The following CREBRF variants were observed in gnomAD, a reference collection of about 807,000 sequenced individuals.
The protein encoded by CREBRF is CREB3 regulatory factor.
CREBRF carries 5 observed loss-of-function variants against 66.1 expected under a neutral mutation model. The ratio of observed to expected loss-of-function variants is 0.08; its 90% CI spans 0.04 to 0.16. The LOEUF is 0.16. Ranked by LOEUF, CREBRF falls within the 10% of genes least tolerant of loss-of-function variation. The probability of loss-of-function intolerance (pLI) is 1.00; values close to 1 mark genes in which losing one functional copy is unlikely to be tolerated. For synonymous variants in CREBRF, 229 were observed against 264.4 expected (o/e 0.87, Z 1.30); for missense variants, 531 against 744.9 (o/e 0.71, Z 3.34).
chr5:173,105,303 T>C (rs1039049155), intron 4 of CREBRF, among the ~76,000 whole-genome samples: 5 of 151,870 alleles, frequency 3.3e-5, no homozygotes, highest in Non-Finnish European at 7.4e-5. Flanking sequence ...TCCCTTATGC[T>C]TTGGGCTGGG....
intron 4 of CREBRF, among the ~76,000 whole-genome samples, chr5:173,093,783 C>T (rs1156995458): frequency 1.3e-5 from 2 of 152,236 alleles, no homozygotes; most frequent in African/African-American, 4.8e-5. Flanking sequence ...TTCCAAAGTG[C>T]TGGAATTACA....
intron 1 of CREBRF, among the ~76,000 whole-genome samples, chr5:173,079,453 ACT>A (rs1164001322): frequency 6.9e-6 from 1 of 145,096 alleles, no homozygotes; most frequent in Admixed American, 7.0e-5. Context: ...ACAGAGTGAG[ACT>A]CTGTCTTTTT....
At chr5:173,069,954 A>G (rs1335754451) in intron 1 of CREBRF, among the ~76,000 whole-genome samples, 1 of 151,840 alleles carries the variant, frequency 6.6e-6, no homozygotes, top group Non-Finnish European at 1.5e-5. Flanking sequence ...CTAGGCTGGA[A>G]TGCAGTGGCG....
chr5:173,062,842 G>A (rs1390599924), intron 1 of CREBRF, among the ~76,000 whole-genome samples: 1 of 149,966 alleles, frequency 6.7e-6, no homozygotes, highest in Admixed American at 6.7e-5. Flanking sequence ...CTGCCTCCCG[G>A]GTTCACGCCA....
At chr5:173,079,450 G>A (rs1394737698) in intron 1 of CREBRF, among the ~76,000 whole-genome samples, 4 of 146,406 alleles carry the variant, frequency 2.7e-5, no homozygotes, top group Non-Finnish European at 6.0e-5. Context: ...GTGACAGAGT[G>A]AGACTCTGTC....
intron 1 of CREBRF, among the ~76,000 whole-genome samples, chr5:173,058,576 C>T (rs1581649270): frequency 6.6e-6 from 1 of 151,766 alleles, no homozygotes; most frequent in South Asian, 2.1e-4. Context: ...CTCCGCCTCC[C>T]GGGTTCACGC....
rs138562616 is a variant in CREBRF, at chr5:173,086,512, C to T, written c.21C>T (p.Ser7=). ...TCACTCTGTTGTAGCCTAGTGTAAGCGGAATGGATCCGCCTTTCGGGGATG... is the reference window on the plus strand; with the variant it reads ...TCACTCTGTTGTAGCCTAGTGTAAGTGGAATGGATCCGCCTTTCGGGGATG... MPQPSV[S]GMDPPFGDAF... Residue 7 remains serine (S), a synonymous_variant, in exon 3 of 9, where the codon AGC becomes AGT. Transcript: ENST00000296953. 46 of 1,613,564 alleles carry T rather than the reference C, an allele frequency of 2.9e-5. No homozygotes were observed. The highest frequency in any genetic ancestry group is 4.4e-5 in the South Asian group (4 of 91,028).
intron 1 of CREBRF, among the ~76,000 whole-genome samples, chr5:173,062,816 C>T (rs1414560552): frequency 2.1e-5 from 3 of 143,220 alleles, no homozygotes; most frequent in East Asian, 2.0e-4. Flanking sequence ...GGTGGGATCT[C>T]GCCTCACTGC....
chr5:173,111,821 C>G (rs1454733621), intron 6 of CREBRF, among the ~76,000 whole-genome samples: 1 of 152,220 alleles, frequency 6.6e-6, no homozygotes, highest in Admixed American at 6.5e-5. Flanking sequence ...TCCAAAGTAG[C>G]TATATGTGCT....
Position 173,090,352 on chromosome 5 carries a change from A to G in CREBRF, c.173A>G (p.Asn58Ser), listed in dbSNP as rs766605392. 13 of 1,603,186 alleles carry G rather than the reference A, an allele frequency of 8.1e-6. No individual in the cohort carries two copies. The highest frequency in any genetic ancestry group is 1.1e-5 in the Non-Finnish European group (13 of 1,170,802). Reference sequence around the variant, plus strand: ...AACTACCAACAGAATCCTAGAGACAACTTTCTTTCTTTGGAGGACTGCAAA... The same window carrying G: ...AACTACCAACAGAATCCTAGAGACAGCTTTCTTTCTTTGGAGGACTGCAAA... ...EMNYQQNPRDNFLSLEDCKDI... is the reference protein window; with the variant it reads ...EMNYQQNPRDSFLSLEDCKDI... The change falls in exon 4 of 9, where the codon AAC becomes AGC. Residue 58 changes from asparagine to serine, a missense_variant. Physicochemically the swap from Asn to Ser is conservative, Grantham distance 46 (BLOSUM62 1). Around this residue, in one of 5 missense-constraint regions of CREBRF, gnomAD observed 133 missense variants for 215.6 expected, o/e 0.62. Coordinates refer to ENST00000296953, the MANE Select transcript of CREBRF (RefSeq NM_153607.3). This position sits in a 1 kb window ranked among gnomAD's most constrained non-coding sequence, Gnocchi z 4.5.
intron 4 of CREBRF, among the ~76,000 whole-genome samples, chr5:173,104,613 G>A (rs1581689557): frequency 6.6e-6 from 1 of 152,036 alleles, no homozygotes; most frequent in South Asian, 2.1e-4. Context: ...CGGGGAGGTC[G>A]AGGCTGCAGT....
Position 173,086,945 on chromosome 5 carries a change from TTTG to T in CREBRF, c.135+322_135+324del, listed in dbSNP as rs1326325822. ...GTGTGTGTCACCACATCCAACTAAT[TTTG>T]TTTTTTTTTTTTTTTTGAGACAGAG... On this transcript the variant is annotated intron_variant, in intron 3 of 8. Transcript: ENST00000296953. Among the ~76,000 whole-genome samples the T allele has an allele frequency of 1.4e-4, 12 of 87,558 alleles. 2 individuals are homozygous for T. Among genetic ancestry groups the T allele is most frequent in the Non-Finnish European group, 1.8e-4 (7 of 38,056 alleles). 57.4% of individuals were successfully genotyped at this position (87,558 alleles called of 152,430 possible).
At chr5:173,118,107 C>T (rs1019518789) in intron 7 of CREBRF, among the ~76,000 whole-genome samples, 2 of 152,202 alleles carry the variant, frequency 1.3e-5, no homozygotes, top group African/African-American at 4.8e-5. Flanking sequence ...ATCTCCTGAC[C>T]TTATGATCCG....
At chr5:173,060,042 C>G (rs2113649809) in intron 1 of CREBRF, among the ~76,000 whole-genome samples, 1 of 152,158 alleles carries the variant, frequency 6.6e-6, no homozygotes, top group Middle Eastern at 3.4e-3. Context: ...AAAGGAATAA[C>G]TAGCATGGTT....
At chr5:173,106,711 C>G (rs773519730) in intron 4 of CREBRF, among the ~76,000 whole-genome samples, 3 of 151,436 alleles carry the variant, frequency 2.0e-5, no homozygotes, top group Non-Finnish European at 4.4e-5. Flanking sequence ...ATAGTTTGAT[C>G]ACCCCCGAAA....
chr5:173,134,300 AC>A lies in CREBRF; in HGVS notation c.*556del, dbSNP rs1253785424. On this transcript the variant is annotated 3_prime_UTR_variant, in exon 9 of 9. Transcript: ENST00000296953. Reference sequence around the variant, plus strand: ...TATATATATATATATACACACACACACACAAATGTCTGTGCAAGTAAGAAAA... The same window carrying A: ...TATATATATATATATACACACACACAACAAATGTCTGTGCAAGTAAGAAAA... 5.0e-6 allele frequency: 1 copy of A among 201,114 alleles called. No individual in the cohort carries two copies. Among genetic ancestry groups the A allele is most frequent in the Middle Eastern group, 5.3e-4 (1 of 1,890 alleles). 12.5% of individuals were successfully genotyped at this position (201,114 alleles called of 1,614,324 possible).
rs1759549669 is a variant in CREBRF at position 173,134,758 on chromosome 5, AG to A, written c.*1014del. 2 of 152,430 alleles carry A rather than the reference AG, an allele frequency of 1.3e-5. No homozygotes were observed. The highest frequency in any genetic ancestry group is 4.8e-5 in the African/African-American group (2 of 41,434). 9.4% of individuals were successfully genotyped at this position (152,430 alleles called of 1,614,324 possible). A position where few individuals can be genotyped will look rare whatever the true frequency, so the allele number is the denominator to read the frequency against. ...TGTATGAAAAAAAAGGAGAAAAAAA[AG>A]AAAAAAAAAGGTCAGGGTTAGGGAT... On this transcript the variant is annotated 3_prime_UTR_variant, in exon 9 of 9. Coordinates refer to ENST00000296953, the MANE Select transcript of CREBRF (RefSeq NM_153607.3).
In CREBRF at chr5:173,123,234, T is replaced by A. The variant is rs377010386; in HGVS notation, c.1804+32T>A. 7.6e-6 allele frequency: 12 copies of A among 1,577,794 alleles called. No individual in the cohort carries two copies. The African/African-American group carries it at 1.7e-4, about 22-fold the overall frequency. On this transcript the variant is annotated intron_variant, in intron 8 of 8. Transcript: ENST00000296953. The stretch of plus-strand genomic sequence containing the variant: ...AGAATGCGAGATAAATTCATAACAA[T>A]TAATAATATGTGTAAGATGTATGAT...
Position 173,136,515 on chromosome 5 carries a change from G to A in CREBRF, c.*2770G>A, listed in dbSNP as rs766283084. The A allele has an allele frequency of 6.6e-6, 1 of 152,484 alleles. No homozygotes were observed. Among genetic ancestry groups the A allele is most frequent in the African/African-American group, 2.4e-5 (1 of 41,434 alleles). 9.4% of individuals were successfully genotyped at this position (152,484 alleles called of 1,614,324 possible). The stretch of plus-strand genomic sequence containing the variant: ...TAAAAACCTGGCAGTAAAATGTAGA[G>A]TGAAAGTTAAATCCTCTTGCTGTTT... On this transcript the variant is annotated 3_prime_UTR_variant, in exon 9 of 9. Transcript: ENST00000296953.
Sources: gnomAD v4.1 joint callset for allele counts (sites outside exome capture counted in the v4.1 genomes callset) on GRCh38, gnomAD v4.1.1 for gene constraint, gnomAD v4.1.1 regional missense constraint, Gnocchi (gnomAD v3.1) non-coding constraint, MANE v1.5 for transcripts, NCBI Gene and HGNC (gene_info 2026-07-23, HGNC 2026-07-21) for gene names.